Variants in GPC5 observed in about 807,000 individuals in gnomAD.
The protein encoded by GPC5 is glypican-5.
In GPC5, 47 loss-of-function variants were observed where a neutral mutation model predicts 53.9. The observed-to-expected ratio is 0.87, with a 90% CI of 0.69 to 1.11. The LOEUF (loss-of-function observed/expected upper bound fraction) is 1.11, where lower values mean the gene tolerates loss of function less well. GPC5 is among the 50% of genes most tolerant of loss of function. GPC5 has a pLI of 0.00. For synonymous variants in GPC5, 286 were observed against 263.3 expected (o/e 1.09, Z -0.84); for missense variants, 748 against 713.1 (o/e 1.05, Z -0.56).
At chr13:92,459,600 C>T (rs1341605507) in intron 7 of GPC5, among the ~76,000 whole-genome samples, 1 of 152,166 alleles carries the variant, frequency 6.6e-6, no homozygotes, top group Non-Finnish European at 1.5e-5. Flanking sequence ...AGGGAATAGA[C>T]AGGCTGGATG....
intron 7 of GPC5, among the ~76,000 whole-genome samples, chr13:92,320,328 T>C (rs966027339): frequency 6.6e-6 from 1 of 152,138 alleles, no homozygotes; most frequent in Non-Finnish European, 1.5e-5. Flanking sequence ...GTATCAGCCA[T>C]TGTGTTGACT....
intron 7 of GPC5, among the ~76,000 whole-genome samples, chr13:92,785,463 T>C (rs1876194288): frequency 6.6e-6 from 1 of 152,198 alleles, no homozygotes; most frequent in South Asian, 2.1e-4. Context: ...CTAATCTTCC[T>C]AATTCATATG....
At chr13:92,520,310 G>A (rs891651191) in intron 7 of GPC5, among the ~76,000 whole-genome samples, 1 of 152,060 alleles carries the variant, frequency 6.6e-6, no homozygotes, top group Non-Finnish European at 1.5e-5. Context: ...ACCAAAGCCT[G>A]GCAGAGACAC....
intron 7 of GPC5, among the ~76,000 whole-genome samples, chr13:92,154,133 A>T (rs1194438768): frequency 6.6e-6 from 1 of 152,118 alleles, no homozygotes; most frequent in Non-Finnish European, 1.5e-5. Context: ...AGTGTATCAC[A>T]TGGAGAGAGA....
chr13:92,305,266 G>T (rs889984477), intron 7 of GPC5, among the ~76,000 whole-genome samples: 3 of 152,022 alleles, frequency 2.0e-5, no homozygotes, highest in Non-Finnish European at 2.9e-5. Flanking sequence ...GTTGAGAATC[G>T]TTAAAGTTAA....
At chr13:91,791,033 T>C (rs1189074878) in intron 5 of GPC5, among the ~76,000 whole-genome samples, 1 of 152,208 alleles carries the variant, frequency 6.6e-6, no homozygotes, top group Non-Finnish European at 1.5e-5. Context: ...TAACAGAGAC[T>C]GGATTATTGT....
At chr13:92,035,770 A>C (rs1219875929) in intron 6 of GPC5, among the ~76,000 whole-genome samples, 1 of 150,782 alleles carries the variant, frequency 6.6e-6, no homozygotes, top group Non-Finnish European at 1.5e-5. Context: ...AAAAAAAACA[A>C]AAAAAACAAT....
At chr13:92,571,082 T>C (rs375449864) in intron 7 of GPC5, among the ~76,000 whole-genome samples, 7 of 152,294 alleles carry the variant, frequency 4.6e-5, no homozygotes, top group Admixed American at 6.5e-5. Context: ...GCATTAAATA[T>C]TCTCTTGGGG....
intron 7 of GPC5, among the ~76,000 whole-genome samples, chr13:92,481,884 T>G (rs924307819): frequency 6.6e-6 from 1 of 152,106 alleles, no homozygotes; most frequent in Non-Finnish European, 1.5e-5. Flanking sequence ...AACCCAGCAC[T>G]TTGGGACGCA....
chr13:92,391,727 A>G (rs766509000), intron 7 of GPC5, among the ~76,000 whole-genome samples: 2 of 152,186 alleles, frequency 1.3e-5, no homozygotes, highest in Non-Finnish European at 2.9e-5. Flanking sequence ...TACTTTCTCT[A>G]CTAAAATTGG....
intron 5 of GPC5, among the ~76,000 whole-genome samples, chr13:91,814,893 A>G (rs2038376657): frequency 6.6e-6 from 1 of 152,174 alleles, no homozygotes; most frequent in South Asian, 2.1e-4. Flanking sequence ...GGAAACACCT[A>G]TGGTTCAGTT....
chr13:92,103,932 A>G (rs1208901806), intron 6 of GPC5, among the ~76,000 whole-genome samples: 1 of 152,102 alleles, frequency 6.6e-6, no homozygotes, highest in Admixed American at 6.6e-5. Flanking sequence ...TGGACATCTC[A>G]TTCCTCAGAA....
At chr13:92,632,265 C>T (rs1415166525) in intron 7 of GPC5, among the ~76,000 whole-genome samples, 1 of 151,930 alleles carries the variant, frequency 6.6e-6, no homozygotes, top group African/African-American at 2.4e-5. Context: ...GATGATTAAG[C>T]TCAGATAGAC....
intron 7 of GPC5, among the ~76,000 whole-genome samples, chr13:92,497,317 C>T (rs1419623111): frequency 6.6e-6 from 1 of 152,116 alleles, no homozygotes; most frequent in African/African-American, 2.4e-5. Context: ...TTGTTTTCTG[C>T]ATATGGTTAG....
chr13:91,849,362 C>G (rs994356126), intron 5 of GPC5, among the ~76,000 whole-genome samples: 13 of 152,260 alleles, frequency 8.5e-5, no homozygotes, highest in African/African-American at 3.1e-4. Context: ...ACCAGGCTGC[C>G]TTGGAAAGAA....
chr13:91,630,026 A>G (rs74107735), intron 2 of GPC5, among the ~76,000 whole-genome samples: 9,792 of 152,102 alleles, frequency 0.064, 462 homozygotes, highest in African/African-American at 0.13. Context: ...GTGTTTTCCA[A>G]GTCTCTAGGA....
intron 2 of GPC5, among the ~76,000 whole-genome samples, chr13:91,628,753 G>A (rs1023943799): frequency 6.6e-6 from 1 of 152,080 alleles, no homozygotes; most frequent in African/African-American, 2.4e-5. Context: ...TTTCATTTCT[G>A]TGAGTAGTGT....
chr13:91,498,816 C>CA (rs1884453552), intron 2 of GPC5, among the ~76,000 whole-genome samples: 1 of 151,720 alleles, frequency 6.6e-6, no homozygotes, highest in African/African-American at 2.4e-5. Context: ...CAAAAAAATA[C>CA]AAAAATTAGC....
chr13:91,571,895 A>ATACGTGTGTGTGTG (rs2031854087), intron 2 of GPC5, among the ~76,000 whole-genome samples: 1 of 60,652 alleles, frequency 1.6e-5, no homozygotes, highest in African/African-American at 8.9e-5. Context: ...ACGTGTGTAT[A>ATACGTGTGTGTGTG]TACACATATT....
Sources: allele counts gnomAD v4.1 joint callset (sites outside exome capture counted in the v4.1 genomes callset), GRCh38; gene constraint gnomAD v4.1.1; transcripts MANE v1.5; gene names NCBI Gene and HGNC (gene_info 2026-07-23, HGNC 2026-07-21).